Variants in PXDN observed in about 807,000 individuals in gnomAD.
PXDN encodes peroxidasin homolog.
In PXDN, 77 loss-of-function variants were observed where a neutral mutation model predicts 140.3. That is an observed-to-expected ratio of 0.55 (90% confidence interval 0.46 to 0.66). PXDN has a LOEUF of 0.66. Ranked by LOEUF, PXDN falls within the 30% of genes least tolerant of loss-of-function variation. The pLI is 0.00. For synonymous variants in PXDN, 911 were observed against 857.4 expected (o/e 1.06, Z -1.09); for missense variants, 1,838 against 2,039.5 (o/e 0.90, Z 1.90).
At chr2:1,656,752 C>T (rs1683145298) in intron 14 of PXDN, among the ~76,000 whole-genome samples, 1 of 150,476 alleles carries the variant, frequency 6.6e-6, no homozygotes, top group South Asian at 2.1e-4. Flanking sequence ...CCTGCCCCCT[C>T]AGTACTGGGA....
In PXDN at chr2:1,639,243, C is replaced by T; in HGVS notation, c.4073+59G>A. The T allele has an allele frequency of 6.4e-7, 1 of 1,565,672 alleles. No homozygotes were observed. The highest frequency in any genetic ancestry group is 1.9e-5 in the Admixed American group (1 of 52,554). The stretch of plus-strand genomic sequence containing the variant: ...CACAGCAGGATGCCGGTCCTACTGC[C>T]CGACGCCCGCGGTGCGAGGGCCCCT... On this transcript the variant is annotated intron_variant, in intron 20 of 22. Transcript: ENST00000252804. This position sits in a 1 kb window ranked among gnomAD's most constrained non-coding sequence, Gnocchi z 5.0.
At chr2:1,668,221 A>G (rs1683491039) in intron 9 of PXDN, among the ~76,000 whole-genome samples, 1 of 152,192 alleles carries the variant, frequency 6.6e-6, no homozygotes, top group Admixed American at 6.5e-5. Flanking sequence ...TATTTAATAC[A>G]TGGTGCTGGG....
chr2:1,671,364 A>G (rs1683571986), intron 9 of PXDN, among the ~76,000 whole-genome samples: 1 of 152,216 alleles, frequency 6.6e-6, no homozygotes. Flanking sequence ...TGTTAACTAC[A>G]ATAAACATAT....
intron 18 of PXDN, among the ~76,000 whole-genome samples, chr2:1,643,811 G>T (rs1189129349): frequency 2.0e-5 from 3 of 152,128 alleles, no homozygotes; most frequent in Non-Finnish European, 4.4e-5. Flanking sequence ...AGTGGCTCAC[G>T]CCTGTAATCC....
rs1558494395 is a variant in PXDN, at chr2:1,658,065, T to TCC, written c.1837+2815_1837+2816insGG. ...CTCTCTCTCTCTCTCTCTCTCTCTCTCTCTCTCTCTCTCTCTCTCTCTCTC... is the reference window on the plus strand; with the variant it reads ...CTCTCTCTCTCTCTCTCTCTCTCTCTCCCTCTCTCTCTCTCTCTCTCTCTCTC... On this transcript the variant is annotated intron_variant, in intron 14 of 22. Coordinates refer to ENST00000252804, the MANE Select transcript of PXDN (RefSeq NM_012293.3). Among the ~76,000 whole-genome samples, 11 of 82,410 alleles carry TCC rather than the reference T, an allele frequency of 1.3e-4. 1 individual carries two copies. In the South Asian group the frequency reaches 1.7e-3, roughly 13 times the overall value. 54.1% of individuals were successfully genotyped at this position (82,410 alleles called of 152,430 possible).
chr2:1,694,798 A>G (rs1220345716), intron 1 of PXDN, among the ~76,000 whole-genome samples: 2 of 152,234 alleles, frequency 1.3e-5, no homozygotes, highest in Non-Finnish European at 1.5e-5. Context: ...GCCATCCAGG[A>G]TGCCCACTCA....
At chr2:1,653,913 T>C (rs1683071184) in intron 15 of PXDN, 128 bp from the exon 16 acceptor site, 2 of 1,155,360 alleles carry the variant, frequency 1.7e-6, no homozygotes, top group South Asian at 3.6e-5. Context: ...TAATGTACTA[T>C]ACCTTCCTCA....
chr2:1,704,459 G>A lies in PXDN; in HGVS notation c.201-11325C>T, dbSNP rs111872485. 3.1e-3 allele frequency among the ~76,000 whole-genome samples: 166 copies of A among 54,164 alleles called. 7 individuals are homozygous for A. The highest frequency in any genetic ancestry group is 0.015 in the African/African-American group (110 of 7,530). 35.5% of individuals were successfully genotyped at this position (54,164 alleles called of 152,430 possible). On this transcript the variant is annotated intron_variant, in intron 1 of 22. Transcript: ENST00000252804. Reference sequence around the variant, plus strand: ...AGGGGACAACTCCAGGTGAAGGGGGGCAACTCCAGGTGAAGGGGGGGGCAA... The same window carrying A: ...AGGGGACAACTCCAGGTGAAGGGGGACAACTCCAGGTGAAGGGGGGGGCAA...
chr2:1,667,692 C>T (rs1156780514), intron 9 of PXDN, among the ~76,000 whole-genome samples: 1 of 152,052 alleles, frequency 6.6e-6, no homozygotes, highest in East Asian at 1.9e-4. Context: ...TGAGTGAACT[C>T]CCATTCATGA....
At chr2:1,670,895 C>G (rs1032731193) in intron 9 of PXDN, among the ~76,000 whole-genome samples, 6 of 152,184 alleles carry the variant, frequency 3.9e-5, no homozygotes, top group Non-Finnish European at 5.9e-5. Flanking sequence ...AGAAATAAAT[C>G]TCATTTAAGT....
At chr2:1,704,763 A>T (rs575495783) in intron 1 of PXDN, among the ~76,000 whole-genome samples, 44 of 152,206 alleles carry the variant, frequency 2.9e-4, no homozygotes, top group African/African-American at 9.6e-4. Flanking sequence ...TTTCCAAGGG[A>T]TGCAGTCAGA....
In PXDN at chr2:1,666,281, T is replaced by C; in HGVS notation, c.1224A>G (p.Gly408=). The part of the protein sequence containing the change: ...YIQNVVQGDS[G]EYACSATNNI... ...TGTTGGTCGCAGAGCACGCATACTC[T>C]CCGCTGTCCCCCTGTACGACGTTCT... The change falls in exon 10 of 23, where the codon GGA becomes GGG. Residue 408 remains glycine, a synonymous_variant. Coordinates refer to ENST00000252804, the MANE Select transcript of PXDN (RefSeq NM_012293.3). 1 of 1,614,008 alleles carries C rather than the reference T, an allele frequency of 6.2e-7. No individual in the cohort carries two copies. Among genetic ancestry groups the C allele is most frequent in the Non-Finnish European group, 8.5e-7 (1 of 1,179,896 alleles).
chr2:1,676,769 G>A (rs1683727718), intron 8 of PXDN, among the ~76,000 whole-genome samples, 158 bp downstream of exon 8: 1 of 152,250 alleles, frequency 6.6e-6, no homozygotes, highest in Non-Finnish European at 1.5e-5. Context: ...TGCCATGTAA[G>A]ACCGGAAAAG....
rs1480923447 is a variant in PXDN, at chr2:1,687,290, C to G, written c.416+342G>C. Among the ~76,000 whole-genome samples the G allele has an allele frequency of 6.6e-6, 1 of 152,202 alleles. No individual in the cohort carries two copies. The highest frequency in any genetic ancestry group is 2.4e-5 in the African/African-American group (1 of 41,452). ...TTTCCCCTGTGAAGGATGCCTTGAT[C>G]GGACTTGGGCGCCTGCCTGTCTCTC... On this transcript the variant is annotated intron_variant, in intron 4 of 22. Transcript: ENST00000252804. The surrounding 1 kb of genome is among the most constrained non-coding windows in gnomAD (Gnocchi z 4.0).
intron 6 of PXDN, among the ~76,000 whole-genome samples, chr2:1,683,043 G>A (rs879814008): frequency 6.6e-6 from 1 of 151,944 alleles, no homozygotes; most frequent in African/African-American, 2.4e-5. Context: ...AGTAAAATAT[G>A]CGCTGGAATT....
chr2:1,701,147 C>T (rs187891198), intron 1 of PXDN, among the ~76,000 whole-genome samples: 1 of 152,258 alleles, frequency 6.6e-6, no homozygotes, highest in African/African-American at 2.4e-5. Flanking sequence ...TGTGGTTTTC[C>T]ATTAACATTT....
At chr2:1,734,483 A>G (rs943092199) in intron 1 of PXDN, among the ~76,000 whole-genome samples, 2 of 152,180 alleles carry the variant, frequency 1.3e-5, no homozygotes, top group Non-Finnish European at 2.9e-5. Flanking sequence ...GATGTTTGCC[A>G]TATCTATTGG....
Position 1,677,012 on chromosome 2 carries a change from C to T in PXDN, c.763G>A (p.Ala255Thr), listed in dbSNP as rs995428673. The T allele has an allele frequency of 1.1e-5, 18 of 1,610,304 alleles. No homozygotes were observed. The highest frequency in any genetic ancestry group is 6.7e-5 in the Admixed American group (4 of 59,822). The stretch of plus-strand genomic sequence containing the variant: ...ACGGTGTTCCCCGAGGTCACATCTG[C>T]GTCCTGGGGCTCGGAGGTGATCCGG... ...RPRITSEPQDADVTSGNTVYF... is the reference protein window; with the variant it reads ...RPRITSEPQDTDVTSGNTVYF... Residue 255 changes from alanine (A) to threonine (T), a missense_variant, in exon 8 of 23, where the codon GCA (alanine) becomes ACA (threonine). This residue lies in a region of PXDN where 208 missense variants were observed against 325.8 expected (regional missense o/e 0.64). Coordinates refer to ENST00000252804, the MANE Select transcript of PXDN (RefSeq NM_012293.3).
At chr2:1,653,476 A>T in intron 16 of PXDN, 152 bp downstream of exon 16, 1 of 1,171,738 alleles carries the variant, frequency 8.5e-7, no homozygotes, top group South Asian at 1.3e-5. Context: ...AGGGCTCAAG[A>T]GGAATCACAG....
Sources: gnomAD v4.1 joint callset for allele counts (sites outside exome capture counted in the v4.1 genomes callset) on GRCh38, gnomAD v4.1.1 for gene constraint, gnomAD v4.1.1 regional missense constraint, Gnocchi (gnomAD v3.1) non-coding constraint, MANE v1.5 for transcripts, NCBI Gene and HGNC (gene_info 2026-07-23, HGNC 2026-07-21) for gene names.